The following TRAF3IP1 variants were observed in gnomAD, a reference collection of about 807,000 sequenced individuals.
TRAF3IP1 encodes the protein TRAF3-interacting protein 1.
TRAF3IP1 carries 53 observed loss-of-function variants against 89.9 expected under a neutral mutation model. That is an observed-to-expected ratio of 0.59 (90% CI 0.47 to 0.74). The LOEUF (loss-of-function observed/expected upper bound fraction) is 0.74, where lower values mean the gene tolerates loss of function less well. Ranked by LOEUF, TRAF3IP1 falls within the 30% of genes least tolerant of loss-of-function variation. The pLI is 0.00. For missense variants in TRAF3IP1, 806 were observed against 866.1 expected, an observed-to-expected ratio of 0.93 and a Z score of 0.87; for synonymous variants, 311 against 322.1, an observed-to-expected ratio of 0.97 and a Z score of 0.37.
rs1438623687 is a variant in TRAF3IP1, at chr2:238,320,520, A to G, written c.-143A>G. 2.5e-5 allele frequency: 25 copies of G among 984,320 alleles called. No individual in the cohort carries two copies. Among genetic ancestry groups the G allele is most frequent in the Non-Finnish European group, 3.0e-5 (25 of 821,760 alleles). 61.0% of individuals were successfully genotyped at this position (984,320 alleles called of 1,614,324 possible). Reference sequence around the variant, plus strand: ...CAGGCGCTGTGGTGGGCTCCGGTGCACTGTGGGATGGAAACCGGAGCGGCG... The same window carrying G: ...CAGGCGCTGTGGTGGGCTCCGGTGCGCTGTGGGATGGAAACCGGAGCGGCG... On this transcript the variant is annotated 5_prime_UTR_variant, in exon 1 of 17. Coordinates refer to ENST00000373327, the MANE Select transcript of TRAF3IP1 (RefSeq NM_015650.4).
intron 15 of TRAF3IP1, among the ~76,000 whole-genome samples, chr2:238,367,681 G>T (rs1049551985): frequency 6.6e-6 from 1 of 152,062 alleles, no homozygotes; most frequent in Non-Finnish European, 1.5e-5. Flanking sequence ...GGCTTCCCAC[G>T]CATGGCCTCC....
At chr2:238,347,714 G>A (rs1269983729) in intron 10 of TRAF3IP1, among the ~76,000 whole-genome samples, 3 of 151,988 alleles carry the variant, frequency 2.0e-5, no homozygotes, top group South Asian at 2.1e-4. Context: ...CGCAACCTCT[G>A]CCTCCCGGGT....
chr2:238,371,674 G>A (rs535156137), intron 15 of TRAF3IP1, among the ~76,000 whole-genome samples: 86 of 152,180 alleles, frequency 5.7e-4, no homozygotes, highest in Non-Finnish European at 9.1e-4. Context: ...AATCCCAACT[G>A]AAATATATCC....
At chr2:238,332,608 T>A (rs1207686267) in intron 5 of TRAF3IP1, among the ~76,000 whole-genome samples, 2 of 152,052 alleles carry the variant, frequency 1.3e-5, no homozygotes, top group Non-Finnish European at 2.9e-5. Context: ...ACTCTGCCCT[T>A]ATGGGAAGAG....
At position 238,328,831 on chromosome 2, in the gene TRAF3IP1, T is replaced by C; in HGVS notation, c.498+2T>C. 3 of 1,607,770 alleles carry C rather than the reference T, an allele frequency of 1.9e-6. No individual in the cohort carries two copies. The highest frequency in any genetic ancestry group is 2.5e-6 in the Non-Finnish European group (3 of 1,177,016). On this transcript the variant is annotated splice_donor_variant, in intron 4 of 16. Coordinates refer to ENST00000373327, the MANE Select transcript of TRAF3IP1 (RefSeq NM_015650.4). LOFTEE classifies it high-confidence loss of function. ...TCCAGAGTTCACAAAAATACAGAGG[T>C]GAATTCCAAGTCGCACATCTTTGAA...
At chr2:238,362,201 C>G (rs1337316317) in intron 15 of TRAF3IP1, among the ~76,000 whole-genome samples, 1 of 152,132 alleles carries the variant, frequency 6.6e-6, no homozygotes, top group Non-Finnish European at 1.5e-5. Context: ...TCTTTTCATT[C>G]TTTTCTTAGT....
intron 1 of TRAF3IP1, 83 bp downstream of exon 1, chr2:238,320,868 C>T (rs1251012948): frequency 4.3e-6 from 5 of 1,158,448 alleles, no homozygotes; most frequent in Non-Finnish European, 4.3e-6. Context: ...CGGGTGGCGC[C>T]GGGTGCGAGC....
At chr2:238,392,669 C>T (rs558521741) in intron 15 of TRAF3IP1, among the ~76,000 whole-genome samples, 3 of 152,292 alleles carry the variant, frequency 2.0e-5, no homozygotes, top group South Asian at 4.1e-4. Context: ...CCCCCCCACC[C>T]GGGTTCAAGG....
In TRAF3IP1 at chr2:238,328,713, G is replaced by T. The variant is rs1374656296; in HGVS notation, c.382G>T (p.Val128Phe). The change falls in exon 4 of 17, where the codon GTT (valine) becomes TTT (phenylalanine). Residue 128 changes from valine (V) to phenylalanine (F), a missense_variant. Val to Phe is a conservative substitution (Grantham distance 50). Transcript: ENST00000373327. ...KLSSDDAVRR[V>F]LAGEKGEVKG... ...CTCTAGTGACGATGCGGTGCGGAGG[G>T]TTTTAGCTGGAGAGAAGGGAGAAGT... The T allele has an allele frequency of 6.2e-7, 1 of 1,613,922 alleles. No homozygotes were observed. The highest frequency in any genetic ancestry group is 1.1e-5 in the South Asian group (1 of 91,066).
Position 238,325,931 on chromosome 2 carries a change from C to T in TRAF3IP1, c.315C>T (p.Asn105=), listed in dbSNP as rs768996128. The T allele has an allele frequency of 1.3e-5, 21 of 1,613,784 alleles. No individual in the cohort carries two copies. The highest frequency in any genetic ancestry group is 2.2e-5 in the East Asian group (1 of 44,882). ...CGGGGCATGAGCCTGAAAGAACAAA[C>T]GAGCTGCTCCAGATAATTGGAAAAT... The part of the protein sequence containing the change: ...IVAGHEPERT[N]ELLQIIGKCC... The change falls in exon 3 of 17, where the codon AAC becomes AAT. Residue 105 remains asparagine, a synonymous_variant. Transcript: ENST00000373327.
chr2:238,328,134 T>A (rs1413787739), intron 3 of TRAF3IP1, among the ~76,000 whole-genome samples: 1 of 152,238 alleles, frequency 6.6e-6, no homozygotes, highest in African/African-American at 2.4e-5. Flanking sequence ...ATGGTAAATC[T>A]GTGCCTAATT....
At chr2:238,359,218 G>A (rs932487841) in intron 15 of TRAF3IP1, among the ~76,000 whole-genome samples, 2 of 152,178 alleles carry the variant, frequency 1.3e-5, no homozygotes, top group African/African-American at 2.4e-5. Flanking sequence ...CAAAGTGGCT[G>A]TACCAATTTA....
rs762866672 is a variant in TRAF3IP1 at position 238,397,542 on chromosome 2, G to T, written c.1773G>T (p.Gln591His). 1 of 1,613,112 alleles carries T rather than the reference G, an allele frequency of 6.2e-7. No individual in the cohort carries two copies. Among genetic ancestry groups the T allele is most frequent in the South Asian group, 1.1e-5 (1 of 91,078 alleles). The change falls in exon 16 of 17, where the codon CAG (glutamine) becomes CAT (histidine). Residue 591 changes from glutamine (Q) to histidine (H), a missense_variant. Around this residue, in one of 3 missense-constraint regions of TRAF3IP1, gnomAD observed 732 missense variants for 780.5 expected, o/e 0.94. Coordinates refer to ENST00000373327, the MANE Select transcript of TRAF3IP1 (RefSeq NM_015650.4). ...TAGAGAAGCTCCGCACGTCCATCCA[G>T]ACCCTGTGCAAGAGCGCACTTCCCC... ...KEIEKLRTSI[Q>H]TLCKSALPLG...
At chr2:238,331,745 A>G (rs1404167039) in intron 5 of TRAF3IP1, among the ~76,000 whole-genome samples, 1 of 152,086 alleles carries the variant, frequency 6.6e-6, no homozygotes, top group African/African-American at 2.4e-5. Flanking sequence ...TCCTCTGGTA[A>G]AAAGCGCCAG....
Position 238,351,421 on chromosome 2 carries a change from C to T in TRAF3IP1, c.1452-1406C>T, listed in dbSNP as rs573887438. 6.6e-6 allele frequency among the ~76,000 whole-genome samples: 1 copy of T among 152,172 alleles called. No individual in the cohort carries two copies. The highest frequency in any genetic ancestry group is 2.1e-4 in the South Asian group (1 of 4,818). ...AGCCGAAGCAAGCATAAGGAAATTA[C>T]TGACCTTCCCTCTGGGCCCGTGACA... On this transcript the variant is annotated intron_variant, in intron 12 of 16. Coordinates refer to ENST00000373327, the MANE Select transcript of TRAF3IP1 (RefSeq NM_015650.4). This position sits in a 1 kb window ranked among gnomAD's most constrained non-coding sequence, Gnocchi z 5.2.
intron 15 of TRAF3IP1, among the ~76,000 whole-genome samples, chr2:238,383,218 C>T (rs1342584892): frequency 6.6e-6 from 1 of 152,178 alleles, no homozygotes. Flanking sequence ...CTGTGTGGGG[C>T]TCCTCTTCCA....
At position 238,320,544 on chromosome 2, in the gene TRAF3IP1, C is replaced by A; in HGVS notation, c.-119C>A. Reference sequence around the variant, plus strand: ...CACTGTGGGATGGAAACCGGAGCGGCGCGTCCTGGCAGGACCGGGCGGCGG... The same window carrying A: ...CACTGTGGGATGGAAACCGGAGCGGAGCGTCCTGGCAGGACCGGGCGGCGG... On this transcript the variant is annotated 5_prime_UTR_variant, in exon 1 of 17. Coordinates refer to ENST00000373327, the MANE Select transcript of TRAF3IP1 (RefSeq NM_015650.4). 2 of 1,021,274 alleles carry A rather than the reference C, an allele frequency of 2.0e-6. No individual in the cohort carries two copies. Among genetic ancestry groups the A allele is most frequent in the Non-Finnish European group, 2.3e-6 (2 of 853,382 alleles). The allele number at this position is 1,021,274 out of a possible 1,614,324, so 63.3% of individuals were successfully genotyped here.
intron 10 of TRAF3IP1, among the ~76,000 whole-genome samples, chr2:238,348,193 A>C (rs567099422): frequency 3.3e-5 from 5 of 152,080 alleles, no homozygotes; most frequent in African/African-American, 1.2e-4. Context: ...ATGTAGAAAA[A>C]TTTAAAAATG....
intron 8 of TRAF3IP1, among the ~76,000 whole-genome samples, chr2:238,343,844 G>A (rs1455255639): frequency 1.3e-5 from 2 of 151,586 alleles, no homozygotes; most frequent in African/African-American, 4.8e-5. Context: ...ATTTTTTTGT[G>A]TAGACGAGTT....
Sources: allele counts gnomAD v4.1 joint callset (sites outside exome capture counted in the v4.1 genomes callset), GRCh38; gene constraint gnomAD v4.1.1; regional missense constraint gnomAD v4.1.1; non-coding constraint Gnocchi (gnomAD v3.1); transcripts MANE v1.5; gene names NCBI Gene and HGNC (gene_info 2026-07-23, HGNC 2026-07-21).